Variants in STARD7 observed in about 807,000 individuals in gnomAD.
The protein encoded by STARD7 is stAR-related lipid transfer protein 7, mitochondrial.
A neutral mutation model predicts 45.3 loss-of-function variants in STARD7; 30 were observed. That is an observed-to-expected ratio of 0.66 (90% CI 0.50 to 0.90). The LOEUF (loss-of-function observed/expected upper bound fraction) is 0.90, where lower values mean the gene tolerates loss of function less well. STARD7 is among the 40% of genes least tolerant of loss of function. The probability of loss-of-function intolerance (pLI) is 0.00; values close to 1 mark genes in which losing one functional copy is unlikely to be tolerated. For synonymous variants in STARD7, 199 were observed against 183.0 expected (o/e 1.09, Z -0.70); for missense variants, 495 against 491.3 (o/e 1.01, Z -0.07).
At chr2:96,187,423 C>A in intron 6 of STARD7, 122 bp from the exon 7 acceptor site, 1 of 668,648 alleles carries the variant, frequency 1.5e-6, no homozygotes, top group East Asian at 2.8e-5. Context: ...TTTTTTCACC[C>A]TGTGCAGAAA....
chr2:96,197,652 G>A (rs1683244640), intron 1 of STARD7, among the ~76,000 whole-genome samples: 1 of 152,092 alleles, frequency 6.6e-6, no homozygotes, highest in Non-Finnish European at 1.5e-5. Context: ...ATATTCACAA[G>A]GTTGTGCAAC....
At chr2:96,187,106 A>AG in intron 7 of STARD7, 111 bp downstream of exon 7, 1 of 727,158 alleles carries the variant, frequency 1.4e-6, no homozygotes, top group African/African-American at 1.9e-5. Flanking sequence ...CTGTCTCAGA[A>AG]AAAAAAAAAA....
Position 96,193,061 on chromosome 2 carries a change from C to T in STARD7, c.743+17G>A. 1 of 1,599,818 alleles carries T rather than the reference C, an allele frequency of 6.3e-7. No individual in the cohort carries two copies. Among genetic ancestry groups the T allele is most frequent in the Non-Finnish European group, 8.6e-7 (1 of 1,167,760 alleles). The stretch of plus-strand genomic sequence containing the variant: ...AGCTAAAGGAACTCGGCAACAGCCA[C>T]AGGCAGCCATACATACCGCGACACC... On this transcript the variant is annotated intron_variant, in intron 5 of 7. Transcript: ENST00000337288.
chr2:96,188,234 C>G (rs185322224), intron 6 of STARD7: 36 of 146,412 alleles, frequency 2.5e-4, no homozygotes, highest in African/African-American at 8.8e-4. Context: ...CAGATTGAGC[C>G]ACTGTACTCC....
chr2:96,194,896 A>C (rs923589028), intron 3 of STARD7, 62 bp downstream of exon 3: 19 of 1,376,202 alleles, frequency 1.4e-5, no homozygotes, highest in Non-Finnish European at 1.8e-5. Context: ...TAAATGATTC[A>C]TGTAGACAGT....
At position 96,208,810 on chromosome 2, in the gene STARD7, G is replaced by A. The variant is rs1683457781; in HGVS notation, c.-376C>T. ...GGCCCAGCAGCACGCAAGCTCCCGC[G>A]CCTTCCGCGACTGCCACACGCGCGG... On this transcript the variant is annotated 5_prime_UTR_variant, in exon 1 of 8. Transcript: ENST00000337288. The A allele has an allele frequency of 1.7e-5, 7 of 402,306 alleles. No homozygotes were observed. Among genetic ancestry groups the A allele is most frequent in the African/African-American group, 6.2e-5 (3 of 48,710 alleles). The allele number at this position is 402,306 out of a possible 1,614,324, so 24.9% of individuals were successfully genotyped here.
At chr2:96,194,848 T>C (rs1450497261) in intron 3 of STARD7, 110 bp downstream of exon 3, 21 of 838,224 alleles carry the variant, frequency 2.5e-5, no homozygotes, top group Admixed American at 1.9e-4. Flanking sequence ...GACAGGTAGA[T>C]AGATGGATGT....
Position 96,185,507 on chromosome 2 carries a change from GGT to G in STARD7, c.*1221_*1222del, listed in dbSNP as rs1436745207. Reference sequence around the variant, plus strand: ...GCATGACCATAAGCAAAACCAGCTCGGTCAAACTGACAGCATCAGATTGTGAC... The same window carrying G: ...GCATGACCATAAGCAAAACCAGCTCGCAAACTGACAGCATCAGATTGTGAC... On this transcript the variant is annotated 3_prime_UTR_variant, in exon 8 of 8. Transcript: ENST00000337288. 1.3e-5 allele frequency: 2 copies of G among 152,104 alleles called. No homozygotes were observed. The highest frequency in any genetic ancestry group is 4.8e-5 in the African/African-American group (2 of 41,410). The allele number at this position is 152,104 out of a possible 1,614,324, so 9.4% of individuals were successfully genotyped here.
At chr2:96,194,918 T>A (rs1373622088) in intron 3 of STARD7, 40 bp downstream of exon 3, 1 of 1,557,462 alleles carries the variant, frequency 6.4e-7, no homozygotes, top group Non-Finnish European at 8.8e-7. Flanking sequence ...GCAATTGATA[T>A]GCTAGGAGGC....
intron 1 of STARD7, among the ~76,000 whole-genome samples, chr2:96,203,668 T>C (rs970496522): frequency 6.6e-6 from 1 of 152,074 alleles, no homozygotes; most frequent in African/African-American, 2.4e-5. Flanking sequence ...CACCTAGAAA[T>C]AAAAGACATA....
intron 1 of STARD7, among the ~76,000 whole-genome samples, chr2:96,205,971 T>G (rs1309435374): frequency 1.3e-5 from 2 of 152,160 alleles, no homozygotes; most frequent in African/African-American, 2.4e-5. Context: ...AGGGTCAAAG[T>G]GCAGCTTGAA....
intron 1 of STARD7, among the ~76,000 whole-genome samples, chr2:96,205,396 A>G (rs1378561920): frequency 1.3e-5 from 2 of 152,262 alleles, no homozygotes; most frequent in African/African-American, 4.8e-5. Flanking sequence ...GACACCCTGC[A>G]CATTCCACCC....
chr2:96,208,578 G>C lies in STARD7; in HGVS notation c.-144C>G, dbSNP rs144879606. On this transcript the variant is annotated 5_prime_UTR_variant, in exon 1 of 8. Coordinates refer to ENST00000337288, the MANE Select transcript of STARD7 (RefSeq NM_020151.4). ...CGCGGCCAGGAGCCGCCGCTCATCT[G>C]TCTCTGCAGCCACCGCTGAGGAAGA... 1.5e-3 allele frequency: 979 copies of C among 646,750 alleles called. 18 individuals are homozygous for C. The East Asian group carries it at 0.027, about 18-fold the overall frequency. 40.1% of individuals were successfully genotyped at this position (646,750 alleles called of 1,614,324 possible).
Position 96,208,382 on chromosome 2 carries a change from CCCCCGCCCCGCGT to C in STARD7, c.40_52del (p.Thr14AlafsTer58). The C allele has an allele frequency of 2.7e-6, 4 of 1,490,876 alleles. No individual in the cohort carries two copies. The highest frequency in any genetic ancestry group is 3.5e-6 in the Non-Finnish European group (4 of 1,130,782). 92.4% of individuals were successfully genotyped at this position (1,490,876 alleles called of 1,614,324 possible). ...CTGATTGGCCAGAAGCGCCAGCAGGCCCCCGCCCCGCGTCCCCGCCAGCCAGGCGGCCAGCAGC... is the reference window on the plus strand; with the variant it reads ...CTGATTGGCCAGAAGCGCCAGCAGGCCCCCGCCAGCCAGGCGGCCAGCAGC... On this transcript the variant is annotated frameshift_variant, in exon 1 of 8. Coordinates refer to ENST00000337288, the MANE Select transcript of STARD7 (RefSeq NM_020151.4). LOFTEE classifies it high-confidence loss of function.
chr2:96,186,564 C>T lies in STARD7; in HGVS notation c.*166G>A. The T allele has an allele frequency of 2.0e-6, 1 of 498,202 alleles. No homozygotes were observed. Among genetic ancestry groups the T allele is most frequent in the Non-Finnish European group, 3.5e-6 (1 of 286,502 alleles). The allele number at this position is 498,202 out of a possible 1,614,324, so 30.9% of individuals were successfully genotyped here. ...TAGCCTTCTTCTGTTTTGATAAGAG[C>T]AATAAGGGCTCTGAATGAAATGGGA... is the stretch of plus-strand genomic sequence containing the variant. On this transcript the variant is annotated 3_prime_UTR_variant, in exon 8 of 8. Coordinates refer to ENST00000337288, the MANE Select transcript of STARD7 (RefSeq NM_020151.4).
intron 6 of STARD7, among the ~76,000 whole-genome samples, chr2:96,190,668 G>T (rs1683112664): frequency 6.6e-6 from 1 of 151,316 alleles, no homozygotes; most frequent in Non-Finnish European, 1.5e-5. Flanking sequence ...TTTGAGAAGG[G>T]TCTCAAACTG....
intron 1 of STARD7, among the ~76,000 whole-genome samples, chr2:96,206,205 T>C (rs1218395384): frequency 6.6e-6 from 1 of 152,126 alleles, no homozygotes; most frequent in Non-Finnish European, 1.5e-5. Context: ...TTTTCCCCAC[T>C]AACTCCCCAC....
At position 96,208,765 on chromosome 2, in the gene STARD7, GA is replaced by G. The variant is rs1351141373; in HGVS notation, c.-332del. The stretch of plus-strand genomic sequence containing the variant: ...GGCCGGGATGCAGGGCGCGCGGACA[GA>G]AACGAGACAGACAGCTCAGGCCCAG... On this transcript the variant is annotated 5_prime_UTR_variant, in exon 1 of 8. Coordinates refer to ENST00000337288, the MANE Select transcript of STARD7 (RefSeq NM_020151.4). The G allele has an allele frequency of 2.4e-6, 1 of 410,404 alleles. No homozygotes were observed. The allele number at this position is 410,404 out of a possible 1,614,324, so 25.4% of individuals were successfully genotyped here.
chr2:96,191,295 T>C (rs1157441815), intron 6 of STARD7, among the ~76,000 whole-genome samples: 1 of 152,218 alleles, frequency 6.6e-6, no homozygotes, highest in African/African-American at 2.4e-5. Context: ...GGAAAGGGTA[T>C]AGATAAAACA....
Sources: allele counts gnomAD v4.1 joint callset (sites outside exome capture counted in the v4.1 genomes callset), GRCh38; gene constraint gnomAD v4.1.1; transcripts MANE v1.5; gene names NCBI Gene and HGNC (gene_info 2026-07-23, HGNC 2026-07-21).